Variants in PPP1R1B observed in about 807,000 individuals in gnomAD.
The protein encoded by PPP1R1B is protein phosphatase 1 regulatory inhibitor subunit 1B.
A neutral mutation model predicts 28.2 loss-of-function variants in PPP1R1B; 13 were observed. The ratio of observed to expected loss-of-function variants is 0.46; its 90% CI spans 0.30 to 0.73. The LOEUF is 0.73. Ranked by LOEUF, PPP1R1B falls within the 30% of genes least tolerant of loss-of-function variation. PPP1R1B has a pLI of 0.07. For missense variants in PPP1R1B, 236 were observed against 256.7 expected, an observed-to-expected ratio of 0.92 and a Z score of 0.55; for synonymous variants, 102 against 97.5, an observed-to-expected ratio of 1.05 and a Z score of -0.27.
intron 1 of PPP1R1B, 51 bp from the exon 2 acceptor site, chr17:39,629,119 G>T (rs761145324): frequency 1.3e-6 from 2 of 1,559,466 alleles, no homozygotes; most frequent in African/African-American, 1.4e-5. Context: ...GCCTGGGGGT[G>T]GGGGAGGGCT....
chr17:39,633,730 C>G lies in PPP1R1B; in HGVS notation c.242-153C>G. On this transcript the variant is annotated intron_variant, in intron 4 of 6. Coordinates refer to ENST00000254079, the MANE Select transcript of PPP1R1B (RefSeq NM_032192.4). Reference sequence around the variant, plus strand: ...CTGGTCTGACACCCATCAGGCTGACCTGTCAACTTTGGCCTTTGAACTTGG... The same window carrying G: ...CTGGTCTGACACCCATCAGGCTGACGTGTCAACTTTGGCCTTTGAACTTGG... 19 of 1,374,140 alleles carry G rather than the reference C, an allele frequency of 1.4e-5. No homozygotes were observed. The South Asian group carries it at 2.6e-4, about 19-fold the overall frequency. 85.1% of individuals were successfully genotyped at this position (1,374,140 alleles called of 1,614,324 possible).
intron 4 of PPP1R1B, among the ~76,000 whole-genome samples, chr17:39,630,768 T>C (rs2056871194): frequency 6.6e-6 from 1 of 151,238 alleles, no homozygotes; most frequent in South Asian, 2.1e-4. Context: ...CTATGAAAAA[T>C]TTACAAAGTG....
rs188830141 is a variant in PPP1R1B at position 39,635,960 on chromosome 17, C to A, written c.*95C>A. ...TCACCCTGTTTTGTGCTCTTCCCCT[C>A]GCCTGCTAGGGCTGCGGCTTCTGAC... On this transcript the variant is annotated 3_prime_UTR_variant, in exon 7 of 7. Transcript: ENST00000254079. 6.6e-6 allele frequency: 9 copies of A among 1,358,634 alleles called. No homozygotes were observed. The highest frequency in any genetic ancestry group is 1.9e-5 in the Admixed American group (1 of 51,554). The allele number at this position is 1,358,634 out of a possible 1,614,324, so 84.2% of individuals were successfully genotyped here.
intron 1 of PPP1R1B, 139 bp downstream of exon 1, chr17:39,627,612 G>A (rs936406755): frequency 3.5e-5 from 20 of 574,454 alleles, no homozygotes; most frequent in Admixed American, 1.1e-4. Flanking sequence ...CGGTCAGGAC[G>A]GGGCGCGGGG....
Sources: allele counts gnomAD v4.1 joint callset (sites outside exome capture counted in the v4.1 genomes callset), GRCh38; gene constraint gnomAD v4.1.1; transcripts MANE v1.5; gene names NCBI Gene and HGNC (gene_info 2026-07-23, HGNC 2026-07-21).